AKAP6: variants seen among roughly 807,000 people sequenced by gnomAD.
AKAP6 encodes A-kinase anchoring protein 6.
A neutral mutation model predicts 188.5 loss-of-function variants in AKAP6; 58 were observed. The ratio of observed to expected loss-of-function variants is 0.31; its 90% CI spans 0.25 to 0.38. AKAP6 has a LOEUF of 0.38. Ranked by LOEUF, AKAP6 falls within the 10% of genes least tolerant of loss-of-function variation. The probability of loss-of-function intolerance (pLI) is 1.00; values close to 1 mark genes in which losing one functional copy is unlikely to be tolerated. For missense variants in AKAP6, 2,710 were observed against 2,740.0 expected, an observed-to-expected ratio of 0.99 and a Z score of 0.24; for synonymous variants, 989 against 998.6, an observed-to-expected ratio of 0.99 and a Z score of 0.18.
intron 12 of AKAP6, among the ~76,000 whole-genome samples, chr14:32,816,481 C>A (rs1298052662): frequency 1.3e-5 from 2 of 152,194 alleles, no homozygotes; most frequent in Non-Finnish European, 2.9e-5. Flanking sequence ...CAAGCACGAG[C>A]CACTGTACCT....
At chr14:32,602,857 C>G (rs541911393) in intron 7 of AKAP6, among the ~76,000 whole-genome samples, 13 of 152,292 alleles carry the variant, frequency 8.5e-5, no homozygotes, top group Non-Finnish European at 1.5e-4. Context: ...TCGCAGAGCC[C>G]GTGTTCATCA....
At chr14:32,683,280 C>CA (rs372296757) in intron 8 of AKAP6, among the ~76,000 whole-genome samples, 70 of 152,202 alleles carry the variant, frequency 4.6e-4, no homozygotes, top group African/African-American at 1.4e-3. Flanking sequence ...AGGAGTGAGC[C>CA]ACCGCACCCA....
intron 2 of AKAP6, among the ~76,000 whole-genome samples, chr14:32,521,927 GACT>G (rs1881857923): frequency 9.2e-5 from 14 of 152,174 alleles, no homozygotes; most frequent in Admixed American, 9.2e-4. Flanking sequence ...CATGCTACCT[GACT>G]TCAAACTATA....
Position 32,492,355 on chromosome 14 carries a change from T to TATATATATATATAGAG in AKAP6, c.325-43198_325-43197insTATATATATATAGAGA. On this transcript the variant is annotated intron_variant, in intron 2 of 13. Coordinates refer to ENST00000280979, the MANE Select transcript of AKAP6 (RefSeq NM_004274.5). ...ACATTGTAATATATATATATATATA[T>TATATATATATATAGAG]AGAGAGAGAGAGAGAGAGAGAGAGA... Among the ~76,000 whole-genome samples, 811 of 82,544 alleles carry TATATATATATATAGAG rather than the reference T, an allele frequency of 9.8e-3. 13 individuals carry two copies. The highest frequency in any genetic ancestry group is 0.046 in the Middle Eastern group (6 of 130). 54.2% of individuals were successfully genotyped at this position (82,544 alleles called of 152,430 possible).
intron 8 of AKAP6, among the ~76,000 whole-genome samples, chr14:32,678,965 A>T (rs2139641311): frequency 6.6e-6 from 1 of 152,324 alleles, no homozygotes; most frequent in South Asian, 2.1e-4. Context: ...CTCTTGCATT[A>T]TCTATGGTAT....
At chr14:32,518,985 ACAG>A (rs1467905246) in intron 2 of AKAP6, among the ~76,000 whole-genome samples, 10 of 152,262 alleles carry the variant, frequency 6.6e-5, no homozygotes, top group Non-Finnish European at 1.3e-4. Flanking sequence ...CATCAGACTA[ACAG>A]CAGATCTCTC....
chr14:32,801,977 A>G (rs2033963313), intron 12 of AKAP6, among the ~76,000 whole-genome samples: 1 of 152,124 alleles, frequency 6.6e-6, no homozygotes, highest in Non-Finnish European at 1.5e-5. Context: ...TTGCCTAAGC[A>G]TAGATTTTTT....
At chr14:32,786,304 T>TTTTTTTTTG in intron 12 of AKAP6, among the ~76,000 whole-genome samples, 2 of 74,802 alleles carry the variant, frequency 2.7e-5, no homozygotes, top group African/African-American at 9.9e-5. Context: ...TTATCTTTTT[T>TTTTTTTTTG]TTTTTTTTTT....
chr14:32,333,846 T>C (rs17098745), intron 1 of AKAP6, among the ~76,000 whole-genome samples: 12,153 of 152,226 alleles, frequency 0.08, 1,484 homozygotes, highest in African/African-American at 0.26. Flanking sequence ...GAGATATTTT[T>C]GTTTTTATAA....
chr14:32,507,679 A>G (rs779649616), intron 2 of AKAP6, among the ~76,000 whole-genome samples: 11 of 152,126 alleles, frequency 7.2e-5, no homozygotes, highest in South Asian at 2.1e-4. Flanking sequence ...GTCAAGTGCT[A>G]TTGGAGATCA....
At chr14:32,774,248 A>T (rs1055998098) in intron 12 of AKAP6, among the ~76,000 whole-genome samples, 6 of 152,234 alleles carry the variant, frequency 3.9e-5, no homozygotes, top group African/African-American at 9.6e-5. Context: ...TTCATTAATC[A>T]TACAATAACC....
intron 2 of AKAP6, among the ~76,000 whole-genome samples, chr14:32,528,618 G>A (rs1427887093): frequency 1.3e-5 from 2 of 152,062 alleles, no homozygotes; most frequent in African/African-American, 4.8e-5. Flanking sequence ...TAGTCCCCCC[G>A]TTGAGTTCTT....
intron 11 of AKAP6, among the ~76,000 whole-genome samples, chr14:32,741,983 G>A (rs1388839078): frequency 6.6e-6 from 1 of 151,774 alleles, no homozygotes; most frequent in Non-Finnish European, 1.5e-5. Flanking sequence ...GTAACATTCA[G>A]CAGTGAAGCC....
intron 7 of AKAP6, among the ~76,000 whole-genome samples, chr14:32,629,631 C>T (rs2139447771): frequency 6.7e-6 from 1 of 149,828 alleles, no homozygotes; most frequent in South Asian, 2.1e-4. Flanking sequence ...AGAGAATGTA[C>T]AAGTAAGATT....
intron 2 of AKAP6, among the ~76,000 whole-genome samples, chr14:32,487,150 C>A (rs1879743616): frequency 6.6e-6 from 1 of 152,218 alleles, no homozygotes; most frequent in Non-Finnish European, 1.5e-5. Flanking sequence ...ACCAGCTTTG[C>A]ATCCCAGTGA....
intron 1 of AKAP6, among the ~76,000 whole-genome samples, chr14:32,342,466 C>A (rs1484283813): frequency 1.3e-5 from 2 of 152,166 alleles, no homozygotes; most frequent in African/African-American, 2.4e-5. Flanking sequence ...CTTAAGATCA[C>A]CCCATATAAT....
chr14:32,821,378 T>C (rs762817983), intron 12 of AKAP6, 24 bp from the exon 13 acceptor site: 1 of 1,547,196 alleles, frequency 6.5e-7, no homozygotes, highest in Non-Finnish European at 8.7e-7. Flanking sequence ...TTCTTCTCCT[T>C]TTCTTTTTCT....
intron 12 of AKAP6, among the ~76,000 whole-genome samples, chr14:32,806,217 A>G (rs1000556905): frequency 6.6e-6 from 1 of 152,230 alleles, no homozygotes; most frequent in African/African-American, 2.4e-5. Flanking sequence ...AAGAATTTGC[A>G]AGATAATTTT....
intron 4 of AKAP6, among the ~76,000 whole-genome samples, chr14:32,549,024 C>T (rs551568231): frequency 1.3e-5 from 2 of 152,204 alleles, no homozygotes; most frequent in South Asian, 4.1e-4. Flanking sequence ...GAAGAAAATG[C>T]AGGTTTATAA....
Sources: allele counts gnomAD v4.1 joint callset (sites outside exome capture counted in the v4.1 genomes callset), GRCh38; gene constraint gnomAD v4.1.1; transcripts MANE v1.5; gene names NCBI Gene and HGNC (gene_info 2026-07-23, HGNC 2026-07-21).